NAV2: variants seen among roughly 807,000 people sequenced by gnomAD.
NAV2 encodes helicase, APC down-regulated 1.
NAV2 carries 54 observed loss-of-function variants against 223.2 expected under a neutral mutation model. The ratio of observed to expected loss-of-function variants is 0.24; its 90% CI spans 0.19 to 0.30. The LOEUF (loss-of-function observed/expected upper bound fraction) is 0.30. Among genes scored for constraint, NAV2 ranks in the 10% least tolerant of loss-of-function variants. The pLI is 1.00. For synonymous variants in NAV2, 1,279 were observed against 1,239.3 expected, an observed-to-expected ratio of 1.03 and a Z score of -0.67; for missense variants, 2,806 against 3,147.5, an observed-to-expected ratio of 0.89 and a Z score of 2.60.
At chr11:20,097,460 C>A in intron 30 of NAV2, 117 bp from the exon 31 acceptor site, 1 of 865,688 alleles carries the variant, frequency 1.2e-6, no homozygotes, top group Non-Finnish European at 1.7e-6. Context: ...AGCTCAATTT[C>A]AACTCAGACA....
intron 1 of NAV2, among the ~76,000 whole-genome samples, chr11:19,452,671 A>T (rs1337071850): frequency 6.6e-6 from 1 of 152,258 alleles, no homozygotes; most frequent in African/African-American, 2.4e-5. Flanking sequence ...ACATTAGCCT[A>T]CATTTGGGCA....
chr11:19,706,792 A>G (rs2049675922), intron 1 of NAV2, among the ~76,000 whole-genome samples: 1 of 152,248 alleles, frequency 6.6e-6, no homozygotes, highest in African/African-American at 2.4e-5. Context: ...ACTTAATAAT[A>G]GGGATATGTT....
chr11:19,423,099 A>T (rs1372024150), intron 1 of NAV2, among the ~76,000 whole-genome samples: 10 of 152,266 alleles, frequency 6.6e-5, no homozygotes, highest in African/African-American at 2.4e-4. Context: ...TGCCTGACAC[A>T]CAGTAAATAC....
intron 10 of NAV2, chr11:19,979,261 G>A (rs540254805): frequency 9.2e-5 from 14 of 152,134 alleles, no homozygotes; most frequent in Non-Finnish European, 1.8e-4. Flanking sequence ...TGGAAGAATC[G>A]AAAAGTCGAC....
Position 20,050,460 on chromosome 11 carries a change from C to T in NAV2, c.4436+559C>T, listed in dbSNP as rs184023240. Among the ~76,000 whole-genome samples, 72 of 151,912 alleles carry T rather than the reference C, an allele frequency of 4.7e-4. 1 individual carries two copies. Among genetic ancestry groups the T allele is most frequent in the African/African-American group, 1.5e-3 (62 of 41,406 alleles). On this transcript the variant is annotated intron_variant, in intron 16 of 37. Transcript: ENST00000349880. ...AGTATTAAGACTTTACAAATGTACACGCTTGTGTTTGCCCCCAGCTGTAGG... is the reference window on the plus strand; with the variant it reads ...AGTATTAAGACTTTACAAATGTACATGCTTGTGTTTGCCCCCAGCTGTAGG...
At chr11:19,597,965 A>G (rs746314188) in intron 1 of NAV2, among the ~76,000 whole-genome samples, 9 of 152,224 alleles carry the variant, frequency 5.9e-5, no homozygotes, top group Non-Finnish European at 1.2e-4. Context: ...TGGGTCTGGG[A>G]CATAGCATTC....
rs1273801765 is a variant in NAV2 at position 20,088,339 on chromosome 11, A to G, written c.5499-2526A>G. Among the ~76,000 whole-genome samples the G allele has an allele frequency of 2.0e-5, 3 of 152,204 alleles. No homozygotes were observed. In the East Asian group the frequency reaches 5.8e-4, roughly 29 times the overall value. On this transcript the variant is annotated intron_variant, in intron 26 of 37. Transcript: ENST00000349880. ...ATTACAAGTGCCCGCCACCAAAGCT[A>G]CACCACCCAGCTAATTTGTGTATTT...
intron 25 of NAV2, among the ~76,000 whole-genome samples, chr11:20,080,747 AG>A (rs1477756610): frequency 1.3e-5 from 2 of 152,222 alleles, no homozygotes; most frequent in Non-Finnish European, 2.9e-5. Flanking sequence ...GTTCTAAACC[AG>A]GGGTTGTACC....
chr11:20,082,356 C>A lies in NAV2; in HGVS notation c.5326-651C>A, dbSNP rs188958347. On this transcript the variant is annotated intron_variant, in intron 25 of 37. Coordinates refer to ENST00000349880, the MANE Select transcript of NAV2 (RefSeq NM_145117.5). ...GCCAGACAGGGAAAAGCTGGAAGAA[C>A]TGGAATTGTAGAGGACTCCCCAACC... 2.7e-3 allele frequency among the ~76,000 whole-genome samples: 405 copies of A among 152,304 alleles called. 2 individuals carry two copies. The highest frequency in any genetic ancestry group is 9.6e-3 in the African/African-American group (397 of 41,564).
At chr11:19,856,182 C>T (rs918612218) in intron 3 of NAV2, among the ~76,000 whole-genome samples, 1 of 152,188 alleles carries the variant, frequency 6.6e-6, no homozygotes, top group African/African-American at 2.4e-5. Context: ...TTCACAGGTG[C>T]ATTTGGTATC....
intron 1 of NAV2, among the ~76,000 whole-genome samples, chr11:19,616,831 G>A (rs973142954): frequency 6.6e-6 from 1 of 152,022 alleles, no homozygotes; most frequent in Non-Finnish European, 1.5e-5. Flanking sequence ...GCTGAATTGA[G>A]GCTGAGGGGT....
chr11:19,714,756 A>G lies in NAV2; in HGVS notation c.267+794A>G, dbSNP rs189554553. On this transcript the variant is annotated intron_variant, in intron 1 of 37. Coordinates refer to ENST00000349880, the MANE Select transcript of NAV2 (RefSeq NM_145117.5). ...GAGAATTGGTGACTCCTACCTTTCC[A>G]GACAGAGCCTGCATCCAGACAAGCC... Among the ~76,000 whole-genome samples the G allele has an allele frequency of 6.3e-3, 967 of 152,288 alleles. 9 individuals are homozygous for G. The highest frequency in any genetic ancestry group is 0.022 in the African/African-American group (915 of 41,538).
At chr11:19,716,549 T>C (rs1209638065) in intron 1 of NAV2, among the ~76,000 whole-genome samples, 1 of 152,206 alleles carries the variant, frequency 6.6e-6, no homozygotes, top group East Asian at 1.9e-4. Flanking sequence ...AGATATGGCT[T>C]ATTCTCTCAA....
chr11:20,086,248 A>G (rs1375459057), intron 26 of NAV2, among the ~76,000 whole-genome samples: 3 of 152,196 alleles, frequency 2.0e-5, no homozygotes, highest in Non-Finnish European at 4.4e-5. Flanking sequence ...TGTATAAGGA[A>G]TATGGGGAAG....
intron 11 of NAV2, chr11:20,027,818 A>G (rs569704643): frequency 6.6e-6 from 1 of 152,346 alleles, no homozygotes; most frequent in South Asian, 2.1e-4. Flanking sequence ...TGAAAGGTGT[A>G]ATGATCCTCC....
upstream of NAV2, among the ~76,000 whole-genome samples, chr11:19,347,632 T>A (rs368494937): frequency 5.7e-4 from 87 of 152,306 alleles, no homozygotes; most frequent in African/African-American, 2.0e-3. Flanking sequence ...TATGGTGCAG[T>A]TTGGCCAGGC....
intron 11 of NAV2, among the ~76,000 whole-genome samples, chr11:19,988,281 C>T (rs777556861): frequency 2.0e-5 from 3 of 152,300 alleles, no homozygotes; most frequent in South Asian, 2.1e-4. Context: ...GAGAGCACAA[C>T]GAGGACAGAA....
At position 19,946,414 on chromosome 11, in the gene NAV2, G is replaced by T; in HGVS notation, c.2160G>T (p.Glu720Asp). ...ALEELTGEDPEARRLRTVKNI... is the reference protein window; with the variant it reads ...ALEELTGEDPDARRLRTVKNI... ...TCATCTTTCTAGGGGAAGATCCTGA[G>T]GCTCGGCGGCTGCGGACAGTGAAGA... Residue 720 changes from glutamate to aspartate, a missense_variant, in exon 9 of 38, where the codon GAG becomes GAT. Transcript: ENST00000349880. The T allele has an allele frequency of 6.2e-7, 1 of 1,612,634 alleles. No homozygotes were observed. The highest frequency in any genetic ancestry group is 8.5e-7 in the Non-Finnish European group (1 of 1,179,572).
At chr11:19,659,430 T>A (rs61876701) in intron 1 of NAV2, among the ~76,000 whole-genome samples, 6,353 of 152,144 alleles carry the variant, frequency 0.042, 171 homozygotes, top group Middle Eastern at 0.075. Context: ...GGGTCTTAAG[T>A]GGGAGTTAAC....
Sources: allele counts gnomAD v4.1 joint callset (sites outside exome capture counted in the v4.1 genomes callset), GRCh38; gene constraint gnomAD v4.1.1; transcripts MANE v1.5; gene names NCBI Gene and HGNC (gene_info 2026-07-23, HGNC 2026-07-21).